The following DSTN variants were observed in gnomAD, a reference collection of about 807,000 sequenced individuals.
DSTN encodes destrin, actin depolymerizing factor.
A neutral mutation model predicts 16.8 loss-of-function variants in DSTN; 10 were observed. That is an observed-to-expected ratio of 0.60 (90% confidence interval 0.37 to 1.01). The LOEUF (loss-of-function observed/expected upper bound fraction) is 1.01. Ranked by LOEUF, DSTN falls within the 50% of genes least tolerant of loss-of-function variation. DSTN has a pLI of 0.01. For synonymous variants in DSTN, 57 were observed against 58.9 expected, an observed-to-expected ratio of 0.97 and a Z score of 0.14; for missense variants, 141 against 196.7, an observed-to-expected ratio of 0.72 and a Z score of 1.69.
intron 1 of DSTN, among the ~76,000 whole-genome samples, chr20:17,578,897 G>A (rs1402462796): frequency 6.8e-6 from 1 of 146,498 alleles, no homozygotes; most frequent in Non-Finnish European, 1.5e-5. Flanking sequence ...GGAGGTGCAG[G>A]TGGCAGTGAG....
At chr20:17,575,455 T>A (rs6034857) in intron 1 of DSTN, among the ~76,000 whole-genome samples, 1 of 151,370 alleles carries the variant, frequency 6.6e-6, no homozygotes, top group Non-Finnish European at 1.5e-5. Flanking sequence ...AGTAGAATAT[T>A]GTGAAAGCAT....
chr20:17,600,602 C>T, intron 1 of DSTN, 136 bp from the exon 2 acceptor site: 1 of 1,087,326 alleles, frequency 9.2e-7, no homozygotes, highest in Non-Finnish European at 1.3e-6. Flanking sequence ...GATTACAGCT[C>T]AAATTTCTAG....
At chr20:17,602,361 C>A (rs2035596168) in intron 2 of DSTN, among the ~76,000 whole-genome samples, 1 of 152,196 alleles carries the variant, frequency 6.6e-6, no homozygotes, top group Non-Finnish European at 1.5e-5. Context: ...TAAGTCCTTC[C>A]TCTTCTGGCA....
At chr20:17,606,340 G>A (rs1751795201) in intron 3 of DSTN, among the ~76,000 whole-genome samples, 1 of 152,180 alleles carries the variant, frequency 6.6e-6, no homozygotes, top group Admixed American at 6.5e-5. Flanking sequence ...TTGCATTGTG[G>A]TAGTGTAATT....
Position 17,570,174 on chromosome 20 carries a change from C to T in DSTN, c.-35C>T. ...TCTGCATACTCGCTGCCCGCCGGCT[C>T]CCTCCCCCGCGTCCCTGCGACCGCC... On this transcript the variant is annotated 5_prime_UTR_variant, in exon 1 of 4. Transcript: ENST00000246069. The T allele has an allele frequency of 6.6e-7, 1 of 1,518,896 alleles. No homozygotes were observed. The allele number at this position is 1,518,896 out of a possible 1,614,324, so 94.1% of individuals were successfully genotyped here. A position where few individuals can be genotyped will look rare whatever the true frequency, so the allele number is the denominator to read the frequency against.
intron 1 of DSTN, among the ~76,000 whole-genome samples, chr20:17,581,444 T>C (rs959194632): frequency 6.6e-6 from 1 of 152,190 alleles, no homozygotes; most frequent in African/African-American, 2.4e-5. Context: ...GTTCACGCCA[T>C]TGCCCTCCAG....
At position 17,608,073 on chromosome 20, in the gene DSTN, GGA is replaced by G. The variant is rs1303129590; in HGVS notation, c.*931_*932del. On this transcript the variant is annotated 3_prime_UTR_variant, in exon 4 of 4. Coordinates refer to ENST00000246069, the MANE Select transcript of DSTN (RefSeq NM_006870.4). The stretch of plus-strand genomic sequence containing the variant: ...CAGTTTGTTGACTTGTGTGCAATGG[GGA>G]GAGGTACCATGATGACACTCACAGG... 4.6e-5 allele frequency: 7 copies of G among 152,172 alleles called. No homozygotes were observed. The highest frequency in any genetic ancestry group is 1.0e-4 in the Non-Finnish European group (7 of 68,018). 9.4% of individuals were successfully genotyped at this position (152,172 alleles called of 1,614,324 possible). A position where few individuals can be genotyped will look rare whatever the true frequency, so the allele number is the denominator to read the frequency against.
chr20:17,594,530 G>A (rs2035504700), intron 1 of DSTN, among the ~76,000 whole-genome samples: 1 of 152,198 alleles, frequency 6.6e-6, no homozygotes, highest in Non-Finnish European at 1.5e-5. Context: ...GGCCAGGACT[G>A]GAAGTAGTTT....
chr20:17,590,225 A>G (rs1600706505), intron 1 of DSTN, among the ~76,000 whole-genome samples: 1 of 152,190 alleles, frequency 6.6e-6, no homozygotes, highest in Non-Finnish European at 1.5e-5. Context: ...GCAACTGTAA[A>G]ATACCCAGTG....
chr20:17,582,593 C>T (rs2035358555), intron 1 of DSTN, among the ~76,000 whole-genome samples: 1 of 152,212 alleles, frequency 6.6e-6, no homozygotes, highest in East Asian at 1.9e-4. Context: ...CAGGATAATT[C>T]AGTTGGGGGG....
At chr20:17,604,377 A>C (rs190569709) in intron 2 of DSTN, among the ~76,000 whole-genome samples, 178 bp from the exon 3 acceptor site, 143 of 152,302 alleles carry the variant, frequency 9.4e-4, no homozygotes, top group Non-Finnish European at 1.8e-3. Context: ...GCATATGCCT[A>C]TCTGTAGCAT....
chr20:17,596,731 A>G, intron 1 of DSTN: 1 of 985,388 alleles, frequency 1.0e-6, no homozygotes, highest in Non-Finnish European at 1.2e-6. Flanking sequence ...ACCTCCACAG[A>G]CATCACTTCT....
At chr20:17,575,464 A>ATTTTT (rs201071241) in intron 1 of DSTN, among the ~76,000 whole-genome samples, 1 of 141,914 alleles carries the variant, frequency 7.0e-6, no homozygotes. Flanking sequence ...TTGTGAAAGC[A>ATTTTT]TTTTTTTTTT....
chr20:17,594,950 G>T (rs1439302971), intron 1 of DSTN, among the ~76,000 whole-genome samples: 1 of 152,178 alleles, frequency 6.6e-6, no homozygotes, highest in Admixed American at 6.5e-5. Context: ...TGCATCACAT[G>T]CCTTTGAGAC....
chr20:17,590,109 T>G (rs2035453710), intron 1 of DSTN, among the ~76,000 whole-genome samples: 1 of 152,230 alleles, frequency 6.6e-6, no homozygotes, highest in Non-Finnish European at 1.5e-5. Flanking sequence ...CTGGTTCAGT[T>G]ATTTACAAAA....
At position 17,574,194 on chromosome 20, in the gene DSTN, C is replaced by A. The variant is rs552634702; in HGVS notation, c.3+3983C>A. 2.6e-5 allele frequency among the ~76,000 whole-genome samples: 4 copies of A among 151,866 alleles called. No individual in the cohort carries two copies. In the South Asian group the frequency reaches 8.3e-4, roughly 32 times the overall value. ...ACTCCAGCCTGGCCACAGCGGGAGA[C>A]CCTGTCTCAAAAAACAAGAACATGA... On this transcript the variant is annotated intron_variant, in intron 1 of 3. Coordinates refer to ENST00000246069, the MANE Select transcript of DSTN (RefSeq NM_006870.4).
intron 3 of DSTN, among the ~76,000 whole-genome samples, chr20:17,605,699 A>G (rs764257763): frequency 6.6e-6 from 1 of 152,140 alleles, no homozygotes; most frequent in East Asian, 1.9e-4. Flanking sequence ...TTTAGCTTCA[A>G]CACTTTCCCA....
At chr20:17,601,095 C>T (rs1225852767) in intron 2 of DSTN, 50 bp downstream of exon 2, 27 of 1,523,140 alleles carry the variant, frequency 1.8e-5, no homozygotes, top group Non-Finnish European at 2.3e-5. Flanking sequence ...TTTGTTAGCA[C>T]TCGGGAAGAC....
intron 1 of DSTN, among the ~76,000 whole-genome samples, chr20:17,598,094 A>G (rs1479071299): frequency 6.6e-6 from 1 of 152,150 alleles, no homozygotes; most frequent in Non-Finnish European, 1.5e-5. Context: ...ATTCATCACT[A>G]AATGGACTTT....
Sources: allele counts gnomAD v4.1 joint callset (sites outside exome capture counted in the v4.1 genomes callset), GRCh38; gene constraint gnomAD v4.1.1; transcripts MANE v1.5; gene names NCBI Gene and HGNC (gene_info 2026-07-23, HGNC 2026-07-21).